ARHGEF10: variants seen among roughly 807,000 people sequenced by gnomAD.
ARHGEF10 encodes the protein Rho guanine nucleotide exchange factor 10.
Under a neutral mutation model 147.4 loss-of-function variants are expected in ARHGEF10, and 140 were observed. The ratio of observed to expected loss-of-function variants is 0.95; its 90% CI spans 0.83 to 1.09. The LOEUF (loss-of-function observed/expected upper bound fraction) is 1.09, where lower values mean the gene tolerates loss of function less well. Ranked by LOEUF, ARHGEF10 falls within the 50% of genes least tolerant of loss-of-function variation. The pLI, the probability that ARHGEF10 is intolerant of heterozygous loss-of-function variation, is 0.00. For missense variants in ARHGEF10, 2,222 were observed against 1,752.7 expected, an observed-to-expected ratio of 1.27 and a Z score of -4.78; for synonymous variants, 902 against 695.8, an observed-to-expected ratio of 1.30 and a Z score of -4.67.
At chr8:1,862,813 C>G (rs1230712966) in intron 4 of ARHGEF10, among the ~76,000 whole-genome samples, 1 of 137,778 alleles carries the variant, frequency 7.3e-6, no homozygotes, top group African/African-American at 2.8e-5. Context: ...GAGTCTCGCT[C>G]TGTCGCTCAG....
intron 9 of ARHGEF10, 65 bp downstream of exon 9, chr8:1,880,229 C>A: frequency 8.9e-7 from 1 of 1,117,408 alleles, no homozygotes; most frequent in Non-Finnish European, 1.4e-6. Flanking sequence ...AACCGCGCGG[C>A]TCGGTCGGTC....
chr8:1,834,918 C>T (rs377099122), intron 1 of ARHGEF10, among the ~76,000 whole-genome samples: 39 of 152,340 alleles, frequency 2.6e-4, no homozygotes, highest in African/African-American at 7.5e-4. Flanking sequence ...AGCCGGCTCC[C>T]GGCCCCAAGC....
At chr8:1,833,474 A>AGGGGCAGGGGCAGAGG (rs1563150569) in intron 1 of ARHGEF10, among the ~76,000 whole-genome samples, 1 of 151,454 alleles carries the variant, frequency 6.6e-6, no homozygotes, top group Admixed American at 6.6e-5. Flanking sequence ...AGGGGCAGAG[A>AGGGGCAGGGGCAGAGG]CAGGGGCAGG....
At chr8:1,857,134 T>C (rs889780936) in intron 2 of ARHGEF10, among the ~76,000 whole-genome samples, 2 of 152,244 alleles carry the variant, frequency 1.3e-5, no homozygotes, top group African/African-American at 2.4e-5. Flanking sequence ...TTAATAATTA[T>C]GGAGGTTTGT....
At chr8:1,864,339 G>A (rs538484193) in intron 4 of ARHGEF10, 34 bp from the exon 5 acceptor site, 9 of 1,609,834 alleles carry the variant, frequency 5.6e-6, no homozygotes, top group Admixed American at 3.3e-5. Context: ...TTTGTCAGGC[G>A]TAAAGCAGCA....
chr8:1,945,721 C>G, intron 27 of ARHGEF10, 66 bp downstream of exon 27: 2 of 1,596,208 alleles, frequency 1.3e-6, no homozygotes, highest in East Asian at 2.2e-5. Flanking sequence ...GGGTGCGGAG[C>G]GCTGTCAGCC....
chr8:1,929,776 G>C (rs1185711157), intron 25 of ARHGEF10, among the ~76,000 whole-genome samples: 1 of 152,194 alleles, frequency 6.6e-6, no homozygotes, highest in Non-Finnish European at 1.5e-5. Context: ...TGAGCAGCCT[G>C]CCCGCCCGGC....
chr8:1,941,869 G>C (rs1225242148), intron 26 of ARHGEF10, among the ~76,000 whole-genome samples: 1 of 150,808 alleles, frequency 6.6e-6, no homozygotes, highest in African/African-American at 2.5e-5. Context: ...TCTTCAACAG[G>C]TGCTGCTGGC....
chr8:1,885,691 GT>G lies in ARHGEF10; in HGVS notation c.1169del (p.Leu390TyrfsTer7). On this transcript the variant is annotated frameshift_variant, in exon 11 of 29. Transcript: ENST00000349830. LOFTEE classifies it high-confidence loss of function. ...PEAILTPMPE[G>X]LSQQQVVRRY... is the part of the protein sequence containing the mutation. The stretch of plus-strand genomic sequence containing the variant: ...GCCATCTTGACCCCGATGCCCGAGG[GT>G]TTATCTCAGCAGCAGGTGAGATGAG... The G allele has an allele frequency of 1.2e-6, 2 of 1,613,790 alleles. No homozygotes were observed. Among genetic ancestry groups the G allele is most frequent in the Non-Finnish European group, 1.7e-6 (2 of 1,179,840 alleles).
intron 28 of ARHGEF10, 107 bp from the exon 29 acceptor site, chr8:1,956,642 A>C: frequency 1.7e-6 from 2 of 1,199,006 alleles, no homozygotes; most frequent in South Asian, 1.2e-5. Flanking sequence ...AGGCTTTGTT[A>C]TTTGGGCAGG....
chr8:1,925,830 C>T (rs1812650211), intron 22 of ARHGEF10, among the ~76,000 whole-genome samples: 1 of 152,198 alleles, frequency 6.6e-6, no homozygotes, highest in South Asian at 2.1e-4. Flanking sequence ...AGGGTGGCGT[C>T]TTATTAATGT....
chr8:1,882,581 G>A, intron 9 of ARHGEF10, 54 bp from the exon 10 acceptor site: 1 of 1,409,102 alleles, frequency 7.1e-7, no homozygotes, highest in Non-Finnish European at 9.8e-7. Context: ...GCAAATGAAA[G>A]TCGCAGGTGG....
rs1563161352 is a variant in ARHGEF10 at position 1,841,836 on chromosome 8, ACGGGAACTGGGGCCGCGG to A, written c.-47-1427_-47-1410del. Among the ~76,000 whole-genome samples, 117 of 74,590 alleles carry A rather than the reference ACGGGAACTGGGGCCGCGG, an allele frequency of 1.6e-3. 2 individuals are homozygous for A. Among genetic ancestry groups the A allele is most frequent in the South Asian group, 6.4e-3 (13 of 2,028 alleles). The allele number at this position is 74,590 out of a possible 152,430, so 48.9% of individuals were successfully genotyped here. On this transcript the variant is annotated intron_variant, in intron 1 of 28. Coordinates refer to ENST00000349830, the MANE Select transcript of ARHGEF10 (RefSeq NM_014629.4). ...GGCCGCGGCGGGAACTGGGGCCGCG[ACGGGAACTGGGGCCGCGG>A]CGGGAACTGGGGCCGCGGCGGGAAC...
intron 13 of ARHGEF10, among the ~76,000 whole-genome samples, chr8:1,894,943 C>T (rs182414831): frequency 6.6e-6 from 1 of 152,330 alleles, no homozygotes; most frequent in East Asian, 1.9e-4. Context: ...TTTAAGCCCT[C>T]ACACAGGTTC....
At position 1,948,761 on chromosome 8, in the gene ARHGEF10, AATATTTCAT is replaced by A. The variant is rs1354116313; in HGVS notation, c.3397+3117_3397+3125del. On this transcript the variant is annotated intron_variant, in intron 27 of 28. Transcript: ENST00000349830. The surrounding 1 kb of genome is among the most constrained non-coding windows in gnomAD (Gnocchi z 4.9). ...GTCTAGTCGTCTTTGCCTTTCAGCT[AATATTTCAT>A]ATATTTCATAGAAATAAGCATTATT... Among the ~76,000 whole-genome samples, 1 of 152,204 alleles carries A rather than the reference AATATTTCAT, an allele frequency of 6.6e-6. No homozygotes were observed. The highest frequency in any genetic ancestry group is 6.5e-5 in the Admixed American group (1 of 15,282).
chr8:1,920,793 T>C (rs1162457681), intron 18 of ARHGEF10, among the ~76,000 whole-genome samples: 3 of 151,892 alleles, frequency 2.0e-5, no homozygotes, highest in Admixed American at 1.3e-4. Context: ...TTTTTTTTGT[T>C]TGTTTGTTTT....
intron 2 of ARHGEF10, among the ~76,000 whole-genome samples, chr8:1,848,518 C>T (rs56674247): frequency 5.7e-4 from 87 of 152,260 alleles, no homozygotes; most frequent in African/African-American, 2.0e-3. Flanking sequence ...GTCGTGGTTT[C>T]TGTTTGTTGT....
At chr8:1,830,417 G>T (rs895253644) in intron 1 of ARHGEF10, among the ~76,000 whole-genome samples, 1 of 152,218 alleles carries the variant, frequency 6.6e-6, no homozygotes, top group African/African-American at 2.4e-5. Flanking sequence ...GCCTTTCTCT[G>T]TTGGCTTAGG....
intron 16 of ARHGEF10, among the ~76,000 whole-genome samples, chr8:1,904,582 C>A (rs1302610229): frequency 6.6e-6 from 1 of 152,186 alleles, no homozygotes; most frequent in African/African-American, 2.4e-5. Flanking sequence ...ATCATGCTCC[C>A]TGTGGCACTT....
Sources: allele counts gnomAD v4.1 joint callset (sites outside exome capture counted in the v4.1 genomes callset), GRCh38; gene constraint gnomAD v4.1.1; non-coding constraint Gnocchi (gnomAD v3.1); transcripts MANE v1.5; gene names NCBI Gene and HGNC (gene_info 2026-07-23, HGNC 2026-07-21).